JMJD1C: variants seen among roughly 807,000 people sequenced by gnomAD.
JMJD1C encodes the protein jumonji domain containing 1C.
JMJD1C carries 31 observed loss-of-function variants against 245.3 expected under a neutral mutation model. The ratio of observed to expected loss-of-function variants is 0.13; its 90% CI spans 0.09 to 0.17. JMJD1C has a LOEUF of 0.17. Ranked by LOEUF, JMJD1C falls within the 10% of genes least tolerant of loss-of-function variation. JMJD1C has a pLI of 1.00. For missense variants in JMJD1C, 2,691 were observed against 3,000.2 expected (o/e 0.90, Z 2.41); for synonymous variants, 1,057 against 1,017.4 (o/e 1.04, Z -0.74).
intron 2 of JMJD1C, among the ~76,000 whole-genome samples, chr10:63,357,826 G>GAC (rs35073293): frequency 0.012 from 1,624 of 140,486 alleles, 15 homozygotes; most frequent in East Asian, 0.068. Flanking sequence ...CAGACAGACA[G>GAC]ACACACACAC....
chr10:63,282,799 C>T (rs1235502775), intron 2 of JMJD1C, among the ~76,000 whole-genome samples: 3 of 152,154 alleles, frequency 2.0e-5, no homozygotes, highest in Non-Finnish European at 4.4e-5. Context: ...TCACTGCAAC[C>T]GCCGCCTCCC....
chr10:63,288,941 T>C (rs1284309434), intron 2 of JMJD1C, among the ~76,000 whole-genome samples: 1 of 149,422 alleles, frequency 6.7e-6, no homozygotes, highest in East Asian at 1.9e-4. Flanking sequence ...TAATAATCTG[T>C]ATATTTTATT....
At chr10:63,196,376 TA>T (rs1845462187) in intron 13 of JMJD1C, among the ~76,000 whole-genome samples, 1 of 152,252 alleles carries the variant, frequency 6.6e-6, no homozygotes, top group Non-Finnish European at 1.5e-5. Flanking sequence ...CATCAAATTT[TA>T]TAACAATTGA....
At chr10:63,217,877 CTT>C (rs912231826) in intron 4 of JMJD1C, among the ~76,000 whole-genome samples, 6 of 152,048 alleles carry the variant, frequency 3.9e-5, no homozygotes, top group African/African-American at 1.4e-4. Flanking sequence ...ATATGGTACA[CTT>C]TTGTGCTAAA....
Position 63,215,131 on chromosome 10 carries a change from T to G in JMJD1C, c.1036A>C (p.Lys346Gln). 6.4e-7 allele frequency: 1 copy of G among 1,560,798 alleles called. No individual in the cohort carries two copies. The highest frequency in any genetic ancestry group is 2.3e-5 in the East Asian group (1 of 44,330). ...SRGENPKGKN[K>Q]HLMNKRRKPE... Reference sequence around the variant, plus strand: ...TTCCTTCTTTTATTCATCAAGTGTTTGTTTTTACCTTTAGGATTTTCTGTA... The same window carrying G: ...TTCCTTCTTTTATTCATCAAGTGTTGGTTTTTACCTTTAGGATTTTCTGTA... The change falls in exon 8 of 26, where the codon AAA (lysine) becomes CAA (glutamine). Residue 346 changes from lysine (K) to glutamine (Q), a missense_variant. Lys to Gln is a moderately conservative substitution (Grantham distance 53). Coordinates refer to ENST00000399262, the MANE Select transcript of JMJD1C (RefSeq NM_032776.3).
At chr10:63,511,188 A>C (rs1431003802) in intron 1 of JMJD1C, among the ~76,000 whole-genome samples, 1 of 152,216 alleles carries the variant, frequency 6.6e-6, no homozygotes, top group African/African-American at 2.4e-5. Context: ...AGTCTGGACT[A>C]GTATCTATCA....
At chr10:63,290,238 T>C (rs926615184) in intron 2 of JMJD1C, among the ~76,000 whole-genome samples, 4 of 152,160 alleles carry the variant, frequency 2.6e-5, no homozygotes, top group Non-Finnish European at 4.4e-5. Context: ...GAACTCTGTA[T>C]ATTTCCGAAA....
At chr10:63,389,161 T>A (rs576853412) in intron 1 of JMJD1C, among the ~76,000 whole-genome samples, 51 of 151,734 alleles carry the variant, frequency 3.4e-4, no homozygotes, top group African/African-American at 1.2e-3. Context: ...CTATCTCTAC[T>A]AAAAATACAA....
At position 63,208,319 on chromosome 10, in the gene JMJD1C, A is replaced by G; in HGVS notation, c.3350T>C (p.Ile1117Thr). ...GGCATTACTCTGTTTATCACCGTAAATATTTGAAACTTCTTTGGATGGGTA... is the reference window on the plus strand; with the variant it reads ...GGCATTACTCTGTTTATCACCGTAAGTATTTGAAACTTCTTTGGATGGGTA... Reference protein sequence around the residue: ...RSYPSKEVSNIYGDKQSNALA... With the variant: ...RSYPSKEVSNTYGDKQSNALA... Residue 1117 changes from isoleucine to threonine, a missense_variant, in exon 10 of 26, where the codon ATT (isoleucine) becomes ACT (threonine). Transcript: ENST00000399262. 1.2e-6 allele frequency: 2 copies of G among 1,614,116 alleles called. No homozygotes were observed. The highest frequency in any genetic ancestry group is 1.7e-6 in the Non-Finnish European group (2 of 1,180,006).
intron 1 of JMJD1C, among the ~76,000 whole-genome samples, chr10:63,481,871 G>A (rs764662631): frequency 6.6e-6 from 1 of 152,126 alleles, no homozygotes; most frequent in Non-Finnish European, 1.5e-5. Flanking sequence ...AAGAACTGTA[G>A]GTTTCCCTTG....
chr10:63,389,144 T>C (rs1206341560), intron 1 of JMJD1C, among the ~76,000 whole-genome samples: 1 of 151,670 alleles, frequency 6.6e-6, no homozygotes, highest in African/African-American at 2.4e-5. Context: ...GCCAACATGG[T>C]GAAACCCTAT....
intron 16 of JMJD1C, among the ~76,000 whole-genome samples, 168 bp downstream of exon 16, chr10:63,192,770 A>G (rs1844990060): frequency 6.6e-6 from 1 of 152,188 alleles, no homozygotes; most frequent in Non-Finnish European, 1.5e-5. Flanking sequence ...CTAGTTCCTA[A>G]TAAGTGAAGA....
At chr10:63,274,240 C>T (rs1856581271) in intron 2 of JMJD1C, among the ~76,000 whole-genome samples, 1 of 152,076 alleles carries the variant, frequency 6.6e-6, no homozygotes, top group Non-Finnish European at 1.5e-5. Context: ...AAATGTAACT[C>T]CTACATCATT....
intron 2 of JMJD1C, among the ~76,000 whole-genome samples, chr10:63,271,265 C>T (rs1856266764): frequency 6.6e-6 from 1 of 151,964 alleles, no homozygotes; most frequent in Non-Finnish European, 1.5e-5. Context: ...CCTCTGCCCC[C>T]GTGGGGATTC....
chr10:63,465,600 G>A lies in JMJD1C; in HGVS notation c.63C>T (p.Asp21=), dbSNP rs751783812. The change falls in exon 1 of 26, where the codon GAC becomes GAT. Residue 21 remains aspartate (D), a synonymous_variant. Transcript: ENST00000399262. Reference sequence around the variant, plus strand: ...TCTCCCAGCGCTCCGAACGTGCCTCGTCGCCGACCGCCACACACAGGAACC... The same window carrying A: ...TCTCCCAGCGCTCCGAACGTGCCTCATCGCCGACCGCCACACACAGGAACC... ...GKRFLCVAVG[D]EARSERWESG... 6.2e-7 allele frequency: 1 copy of A among 1,609,608 alleles called. No homozygotes were observed. The highest frequency in any genetic ancestry group is 8.5e-7 in the Non-Finnish European group (1 of 1,179,856).
Position 63,206,635 on chromosome 10 carries a change from G to A in JMJD1C, c.5034C>T (p.Ala1678=), listed in dbSNP as rs1846661969. 6.3e-7 allele frequency: 1 copy of A among 1,598,352 alleles called. No individual in the cohort carries two copies. Reference sequence around the variant, plus strand: ...GCAACTTCAGTTTACTTCTTTCTTTGGCACTCCTGCTGAGAACTCCATTGG... The same window carrying A: ...GCAACTTCAGTTTACTTCTTTCTTTAGCACTCCTGCTGAGAACTCCATTGG... ...LKPNGVLSRS[A]KERSKLKLQS... is the part of the protein sequence containing the mutation. Residue 1678 remains alanine, a synonymous_variant, in exon 10 of 26, where the codon GCC becomes GCT. Coordinates refer to ENST00000399262, the MANE Select transcript of JMJD1C (RefSeq NM_032776.3).
intron 1 of JMJD1C, among the ~76,000 whole-genome samples, chr10:63,442,636 A>G (rs1951458637): frequency 6.6e-6 from 1 of 152,184 alleles, no homozygotes; most frequent in African/African-American, 2.4e-5. Context: ...CATGCCATAC[A>G]TTTCTTGCCT....
At position 63,393,250 on chromosome 10, in the gene JMJD1C, A is replaced by G. The variant is rs549929450; in HGVS notation, c.169-12768T>C. On this transcript the variant is annotated intron_variant, in intron 1 of 25. Transcript: ENST00000399262. ...ACCACTGTACTCCAGCCTGGGCAAC[A>G]GAGTGAGATCCTGTCTCAAAAGTGA... Among the ~76,000 whole-genome samples, 12 of 152,314 alleles carry G rather than the reference A, an allele frequency of 7.9e-5. No individual in the cohort carries two copies. The South Asian group carries it at 2.5e-3, about 32-fold the overall frequency.
At chr10:63,421,006 A>C (rs117458915) in intron 1 of JMJD1C, among the ~76,000 whole-genome samples, 2,019 of 152,212 alleles carry the variant, frequency 0.013, 30 homozygotes, top group African/African-American at 0.034. Flanking sequence ...AAAAATGAAA[A>C]ACACACTGCC....
Sources: gnomAD v4.1 joint callset for allele counts (sites outside exome capture counted in the v4.1 genomes callset) on GRCh38, gnomAD v4.1.1 for gene constraint, MANE v1.5 for transcripts, NCBI Gene and HGNC (gene_info 2026-07-23, HGNC 2026-07-21) for gene names.